The following ZNF33B variants were observed in gnomAD, a reference collection of about 807,000 sequenced individuals.
ZNF33B encodes zinc finger protein 33B.
In ZNF33B, 29 loss-of-function variants were observed where a neutral mutation model predicts 45.8. The observed-to-expected ratio is 0.63, with a 90% CI of 0.47 to 0.86. The LOEUF (loss-of-function observed/expected upper bound fraction) is 0.86. ZNF33B is among the 40% of genes least tolerant of loss of function. ZNF33B has a pLI of 0.00. For synonymous variants in ZNF33B, 305 were observed against 307.8 expected (o/e 0.99, Z 0.10); for missense variants, 831 against 909.9 (o/e 0.91, Z 1.12).
At chr10:42,632,578 G>T in intron 2 of ZNF33B, 139 bp from the exon 3 acceptor site, 2 of 1,166,526 alleles carry the variant, frequency 1.7e-6, no homozygotes, top group Non-Finnish European at 1.2e-6. Flanking sequence ...TGCCATTAAT[G>T]CATTAAGATA....
chr10:42,579,665 A>G (rs1449628454), intron 1 of ZNF33B: 4 of 152,708 alleles, frequency 2.6e-5, no homozygotes, highest in Non-Finnish European at 5.9e-5. Context: ...GTGAATCCAC[A>G]ACAAATCCTT....
chr10:42,635,989 T>C (rs1169461859), intron 2 of ZNF33B, among the ~76,000 whole-genome samples: 1 of 149,856 alleles, frequency 6.7e-6, no homozygotes, highest in Non-Finnish European at 1.5e-5. Flanking sequence ...ATTAGCCAGG[T>C]ATGGTGGTGC....
In ZNF33B at chr10:42,593,162, T is replaced by C; in HGVS notation, c.1788A>G (p.Leu596=). ...CGKIFYNKSY[L]TKHNRTHTGE... Reference sequence around the variant, plus strand: ...CTGTATGTGTTCTATTATGTTTTGTTAGGTATGATTTATTGTAAAAGATTT... The same window carrying C: ...CTGTATGTGTTCTATTATGTTTTGTCAGGTATGATTTATTGTAAAAGATTT... The change falls in exon 5 of 5, where the codon CTA becomes CTG. Residue 596 remains leucine, a synonymous_variant. Coordinates refer to ENST00000359467, the MANE Select transcript of ZNF33B (RefSeq NM_006955.3). 1 of 1,609,946 alleles carries C rather than the reference T, an allele frequency of 6.2e-7. No homozygotes were observed. Among genetic ancestry groups the C allele is most frequent in the Non-Finnish European group, 8.5e-7 (1 of 1,178,670 alleles).
At position 42,624,455 on chromosome 10, in the gene ZNF33B, G is replaced by A. The variant is rs12774463; in HGVS notation, c.250+7474C>T. 1.4e-3 allele frequency among the ~76,000 whole-genome samples: 207 copies of A among 152,222 alleles called. 1 individual carries two copies. Among genetic ancestry groups the A allele is most frequent in the Non-Finnish European group, 2.3e-3 (159 of 68,012 alleles). On this transcript the variant is annotated intron_variant, in intron 4 of 4. Transcript: ENST00000359467. ...CAGTAGTCACTCCTTATCCAAGGGC[G>A]ATACATTCCAAGACGCCCAGTGGAA...
At chr10:42,581,223 T>C (rs115726702) in intron 1 of ZNF33B, among the ~76,000 whole-genome samples, 2,625 of 151,938 alleles carry the variant, frequency 0.017, 77 homozygotes, top group African/African-American at 0.06. Context: ...CAGTGGTTCA[T>C]GTTGGTAATC....
In ZNF33B at chr10:42,604,743, G is replaced by A. The variant is rs374240643; in HGVS notation, c.251-10044C>T. ...AGCCTGACCAACATGGTGAAACCCC[G>A]GGGTCTCTACTAAAAATACAAAAAA... is the stretch of plus-strand genomic sequence containing the variant. On this transcript the variant is annotated intron_variant, in intron 4 of 4. Transcript: ENST00000359467. 2.5e-4 allele frequency among the ~76,000 whole-genome samples: 38 copies of A among 151,774 alleles called. 1 individual carries two copies. The highest frequency in any genetic ancestry group is 8.4e-4 in the African/African-American group (35 of 41,426).
intron 1 of ZNF33B, among the ~76,000 whole-genome samples, chr10:42,580,534 C>G (rs1158698797): frequency 6.6e-6 from 1 of 151,762 alleles, no homozygotes; most frequent in African/African-American, 2.4e-5. Flanking sequence ...CACTGTGCCT[C>G]GCCTCTACTA....
chr10:42,632,984 C>T (rs547149937), intron 2 of ZNF33B: 5 of 164,744 alleles, frequency 3.0e-5, no homozygotes, highest in Non-Finnish European at 6.6e-5. Context: ...AAATGGGTTA[C>T]AGAGTAATTT....
At chr10:42,637,414 G>C (rs1015468992) in intron 1 of ZNF33B, among the ~76,000 whole-genome samples, 1 of 152,184 alleles carries the variant, frequency 6.6e-6, no homozygotes, top group African/African-American at 2.4e-5. Flanking sequence ...AAGCGTCAGT[G>C]CTTCAAAGAA....
At chr10:42,632,121 T>C in intron 3 of ZNF33B, 97 bp from the exon 4 acceptor site, 1 of 1,499,010 alleles carries the variant, frequency 6.7e-7, no homozygotes, top group Non-Finnish European at 9.2e-7. Context: ...AAGTTGCCAG[T>C]GGAACATTTT....
At chr10:42,614,843 A>G (rs1239187111) in intron 4 of ZNF33B, among the ~76,000 whole-genome samples, 1 of 151,940 alleles carries the variant, frequency 6.6e-6, no homozygotes, top group Non-Finnish European at 1.5e-5. Flanking sequence ...AATCCCAGCT[A>G]CTCAGGAGGC....
intron 4 of ZNF33B, among the ~76,000 whole-genome samples, chr10:42,628,305 C>T (rs1399921448): frequency 1.3e-5 from 2 of 152,308 alleles, no homozygotes; most frequent in African/African-American, 2.4e-5. Flanking sequence ...CGTGAGACAC[C>T]GCACCTGGCC....
chr10:42,616,166 G>C (rs1355335891), intron 4 of ZNF33B, among the ~76,000 whole-genome samples: 1 of 152,032 alleles, frequency 6.6e-6, no homozygotes, highest in South Asian at 2.1e-4. Context: ...CCGGGAGGCA[G>C]AGGTTGCAGT....
chr10:42,601,930 TG>T (rs796602529), intron 4 of ZNF33B, among the ~76,000 whole-genome samples: 9 of 76,692 alleles, frequency 1.2e-4, no homozygotes, highest in African/African-American at 3.7e-4. Context: ...TTTTTTTTTT[TG>T]GGGGGAGACA....
At chr10:42,614,973 A>T (rs1838251777) in intron 4 of ZNF33B, among the ~76,000 whole-genome samples, 1 of 152,118 alleles carries the variant, frequency 6.6e-6, no homozygotes, top group Non-Finnish European at 1.5e-5. Context: ...AAAAAAAGAC[A>T]TTCAACATCA....
rs1564499603 is a variant in ZNF33B at position 42,594,362 on chromosome 10, A to G, written c.588T>C (p.Asn196=). The change falls in exon 5 of 5, where the codon AAT becomes AAC. Residue 196 remains asparagine (N), a synonymous_variant. Transcript: ENST00000359467. ...TCTCACGATGACTCAGAGTGTTCCT[A>G]TTTTTCAAAACTTCATTTTTCTCTC... ...HTREKNEVLK[N]RNTLSHRENT... The G allele has an allele frequency of 6.2e-7, 1 of 1,613,774 alleles. No individual in the cohort carries two copies. The highest frequency in any genetic ancestry group is 1.1e-5 in the South Asian group (1 of 91,062).
chr10:42,632,365 G>T lies in ZNF33B; in HGVS notation c.84C>A (p.His28Gln), dbSNP rs1839100912. Residue 28 changes from histidine to glutamine, a missense_variant, in exon 3 of 5, where the codon CAC becomes CAA. His to Gln is a conservative substitution (Grantham distance 24, BLOSUM62 0). Transcript: ENST00000359467. ...ACAGAGCCCTCTGACTAGGGTCCAG[G>T]TGCTGCCACTCCTCCTGGGTGAAGC... ...TVGFTQEEWQ[H>Q]LDPSQRALYR... The T allele has an allele frequency of 6.2e-7, 1 of 1,613,696 alleles. No homozygotes were observed.
At chr10:42,620,552 C>A (rs112341208) in intron 4 of ZNF33B, among the ~76,000 whole-genome samples, 6,160 of 151,720 alleles carry the variant, frequency 0.041, 181 homozygotes, top group Non-Finnish European at 0.057. Context: ...ACAGCGCACA[C>A]CACCACACCC....
chr10:42,583,355 G>C (rs564439764), intron 1 of ZNF33B: 1 of 386,856 alleles, frequency 2.6e-6, no homozygotes, highest in East Asian at 5.6e-5. Flanking sequence ...AAAACAAACA[G>C]GCATTCCAGA....
Sources: gnomAD v4.1 joint callset for allele counts (sites outside exome capture counted in the v4.1 genomes callset) on GRCh38, gnomAD v4.1.1 for gene constraint, MANE v1.5 for transcripts, NCBI Gene and HGNC (gene_info 2026-07-23, HGNC 2026-07-21) for gene names.